Variants in FRY observed in about 807,000 individuals in gnomAD.
FRY encodes protein furry homolog.
In FRY, 128 loss-of-function variants were observed where a neutral mutation model predicts 348.4. The ratio of observed to expected loss-of-function variants is 0.37; its 90% confidence interval spans 0.32 to 0.43. The LOEUF is 0.43. Ranked by LOEUF, FRY falls within the 20% of genes least tolerant of loss-of-function variation. The pLI is 1.00. For missense variants in FRY, 2,736 were observed against 3,695.2 expected, an observed-to-expected ratio of 0.74 and a Z score of 6.73; for synonymous variants, 1,370 against 1,374.7, an observed-to-expected ratio of 1.00 and a Z score of 0.08.
At chr13:32,176,161 G>T (rs1882347075) in intron 20 of FRY, among the ~76,000 whole-genome samples, 1 of 152,212 alleles carries the variant, frequency 6.6e-6, no homozygotes. Flanking sequence ...GAACCTAGGA[G>T]AGCTTTATCT....
chr13:32,225,349 T>C (rs1028541792), intron 38 of FRY, among the ~76,000 whole-genome samples: 1 of 152,174 alleles, frequency 6.6e-6, no homozygotes, highest in Non-Finnish European at 1.5e-5. Flanking sequence ...CTATGAGGCA[T>C]AGTCAGCGTA....
At chr13:32,037,352 C>G (rs1274365421) in intron 1 of FRY, among the ~76,000 whole-genome samples, 1 of 152,136 alleles carries the variant, frequency 6.6e-6, no homozygotes, top group Non-Finnish European at 1.5e-5. Flanking sequence ...TGAGCGTTCT[C>G]TGATATATTG....
At position 32,239,270 on chromosome 13, in the gene FRY, T is replaced by G; in HGVS notation, c.6437T>G (p.Leu2146Trp). Reference protein sequence around the residue: ...SHAIGFPLNVLCLLPQLIQHF... With the variant: ...SHAIGFPLNVWCLLPQLIQHF... ...AATCCAGGGTTTCCACTGAATGTCT[T>G]GTGTCTCCTGCCTCAGCTGATTCAG... is the stretch of plus-strand genomic sequence containing the variant. The change falls in exon 45 of 61, where the codon TTG becomes TGG. Residue 2146 changes from leucine (L) to tryptophan (W), a missense_variant. Physicochemically the swap from Leu to Trp is moderately conservative, Grantham distance 61 (BLOSUM62 -2). Transcript: ENST00000542859. The surrounding 1 kb of genome is among the most constrained non-coding windows in gnomAD (Gnocchi z 4.3). 6.2e-7 allele frequency: 1 copy of G among 1,605,416 alleles called. No individual in the cohort carries two copies. Among genetic ancestry groups the G allele is most frequent in the Non-Finnish European group, 8.5e-7 (1 of 1,172,046 alleles).
At chr13:32,242,766 C>G (rs1474957749) in intron 46 of FRY, among the ~76,000 whole-genome samples, 1 of 152,138 alleles carries the variant, frequency 6.6e-6, no homozygotes, top group Non-Finnish European at 1.5e-5. Context: ...TACTCCTGAC[C>G]TCAGGTGATC....
intron 35 of FRY, among the ~76,000 whole-genome samples, chr13:32,213,949 T>C (rs1319632247): frequency 6.6e-6 from 1 of 152,258 alleles, no homozygotes; most frequent in Non-Finnish European, 1.5e-5. Flanking sequence ...TGCTGGTCAT[T>C]GGAAAGCCTG....
chr13:32,209,812 T>G, intron 33 of FRY, 81 bp downstream of exon 33: 3 of 1,346,278 alleles, frequency 2.2e-6, no homozygotes, highest in Non-Finnish European at 3.2e-6. Flanking sequence ...ATGTGCTCTT[T>G]GCTCCAGCTA....
Position 32,111,231 on chromosome 13 carries a change from T to G in FRY, c.325-6103T>G, listed in dbSNP as rs184740093. Among the ~76,000 whole-genome samples, 285 of 152,216 alleles carry G rather than the reference T, an allele frequency of 1.9e-3. 1 individual carries two copies. The highest frequency in any genetic ancestry group is 6.6e-3 in the African/African-American group (275 of 41,528). On this transcript the variant is annotated intron_variant, in intron 3 of 60. Coordinates refer to ENST00000542859, the MANE Select transcript of FRY (RefSeq NM_023037.3). ...GGGCAGATGCAGTGGTTCACTCCTA[T>G]AATCCCAGCACTTTAGGAGGCTGAG...
chr13:32,296,999 C>T lies in FRY; in HGVS notation c.*1539C>T, dbSNP rs891672678. 2.6e-5 allele frequency: 4 copies of T among 152,178 alleles called. No homozygotes were observed. The highest frequency in any genetic ancestry group is 2.6e-4 in the Admixed American group (4 of 15,282). The allele number at this position is 152,178 out of a possible 1,614,324, so 9.4% of individuals were successfully genotyped here. ...AAAAGTAGTAGAGTTGTAATTCTGTCACCAACACCTATCCCCCAGGAACAC... is the reference window on the plus strand; with the variant it reads ...AAAAGTAGTAGAGTTGTAATTCTGTTACCAACACCTATCCCCCAGGAACAC... On this transcript the variant is annotated 3_prime_UTR_variant, in exon 61 of 61. Transcript: ENST00000542859.
chr13:32,105,965 A>G (rs1184811487), intron 3 of FRY, among the ~76,000 whole-genome samples: 1 of 151,372 alleles, frequency 6.6e-6, no homozygotes, highest in Non-Finnish European at 1.5e-5. Context: ...GTAATACTTT[A>G]TAGTTTACCC....
At chr13:32,186,550 A>T (rs1333810024) in intron 27 of FRY, 130 bp downstream of exon 27, 1 of 710,530 alleles carries the variant, frequency 1.4e-6, no homozygotes, top group Non-Finnish European at 2.5e-6. Context: ...AAGCGCACAT[A>T]CAAAAAAATC....
Position 32,049,268 on chromosome 13 carries a change from T to C in FRY, c.70+17403T>C, listed in dbSNP as rs563926102. Among the ~76,000 whole-genome samples the C allele has an allele frequency of 9.2e-5, 14 of 152,152 alleles. No individual in the cohort carries two copies. In the East Asian group the frequency reaches 2.7e-3, roughly 29 times the overall value. ...AAGGCAGAGGGAAGAACCTGAGCAA[T>C]TGCAGGGAGTTGGGGAGGTGCCTGA... On this transcript the variant is annotated intron_variant, in intron 1 of 60. Transcript: ENST00000542859.
chr13:32,235,955 T>C (rs965707578), intron 42 of FRY, 123 bp from the exon 43 acceptor site: 4 of 788,658 alleles, frequency 5.1e-6, no homozygotes, highest in Non-Finnish European at 8.7e-6. Flanking sequence ...AAGCTTATTT[T>C]AGACTTCATA....
At chr13:32,102,092 A>G (rs1877200275) in intron 3 of FRY, 76 bp downstream of exon 3, 2 of 840,810 alleles carry the variant, frequency 2.4e-6, no homozygotes, top group African/African-American at 3.3e-5. Flanking sequence ...CATGCTCACT[A>G]TTGTTGTATG....
chr13:32,236,822 C>A (rs1886252321), intron 43 of FRY, among the ~76,000 whole-genome samples: 1 of 152,048 alleles, frequency 6.6e-6, no homozygotes, highest in South Asian at 2.1e-4. Flanking sequence ...TTACAAACAT[C>A]ACACATATTT....
At position 32,205,096 on chromosome 13, in the gene FRY, A is replaced by G. The variant is rs566331231; in HGVS notation, c.4018+2569A>G. 4.6e-5 allele frequency among the ~76,000 whole-genome samples: 7 copies of G among 151,908 alleles called. No homozygotes were observed. The East Asian group carries it at 1.4e-3, about 30-fold the overall frequency. ...CACATGCCTGTAGTCCCAGCTACTC[A>G]GGAGGCTGAGGCACAAAAATTACTT... On this transcript the variant is annotated intron_variant, in intron 31 of 60. Transcript: ENST00000542859.
chr13:32,280,769 C>T (rs778330875), intron 58 of FRY, among the ~76,000 whole-genome samples: 2 of 152,168 alleles, frequency 1.3e-5, no homozygotes, highest in Non-Finnish European at 1.5e-5. Flanking sequence ...AGAGTTGAAA[C>T]CAAATCTATT....
At chr13:32,217,404 A>G (rs1444369798) in intron 35 of FRY, among the ~76,000 whole-genome samples, 1 of 152,150 alleles carries the variant, frequency 6.6e-6, no homozygotes, top group African/African-American at 2.4e-5. Context: ...ATTTCTTTCT[A>G]GAAATCCTAG....
intron 51 of FRY, among the ~76,000 whole-genome samples, chr13:32,260,020 G>T (rs1266217012): frequency 6.6e-6 from 1 of 152,138 alleles, no homozygotes; most frequent in Non-Finnish European, 1.5e-5. Context: ...TATCCAGATT[G>T]TGCTTAGGAT....
chr13:32,182,898 T>C lies in FRY; in HGVS notation c.2997-79T>C. The stretch of plus-strand genomic sequence containing the variant: ...AGTGTAAAAAGCAAGTGATTTGGGA[T>C]TAAATGGATATAGAGTATTTAGTGA... On this transcript the variant is annotated intron_variant, in intron 23 of 60. Coordinates refer to ENST00000542859, the MANE Select transcript of FRY (RefSeq NM_023037.3). The C allele has an allele frequency of 9.2e-6, 8 of 868,286 alleles. No individual in the cohort carries two copies. In the South Asian group the frequency reaches 9.8e-5, roughly 11 times the overall value. 53.8% of individuals were successfully genotyped at this position (868,286 alleles called of 1,614,324 possible).
Sources: gnomAD v4.1 joint callset for allele counts (sites outside exome capture counted in the v4.1 genomes callset) on GRCh38, gnomAD v4.1.1 for gene constraint, Gnocchi (gnomAD v3.1) non-coding constraint, MANE v1.5 for transcripts, NCBI Gene and HGNC (gene_info 2026-07-23, HGNC 2026-07-21) for gene names.